The following ANK3 variants were observed in gnomAD, a reference collection of about 807,000 sequenced individuals.
ANK3 encodes the protein ankyrin-3.
In ANK3, 57 loss-of-function variants were observed where a neutral mutation model predicts 370.9. The ratio of observed to expected loss-of-function variants is 0.15; its 90% CI spans 0.12 to 0.19. ANK3 has a LOEUF of 0.19. ANK3 is among the 10% of genes least tolerant of loss of function. ANK3 has a pLI of 1.00. For missense variants in ANK3, 4,439 were observed against 5,302.1 expected (o/e 0.84, Z 5.06); for synonymous variants, 1,929 against 1,946.3 (o/e 0.99, Z 0.23).
chr10:60,561,090 T>C (rs762572135), intron 2 of ANK3, among the ~76,000 whole-genome samples: 5 of 152,172 alleles, frequency 3.3e-5, no homozygotes, highest in Non-Finnish European at 5.9e-5. Flanking sequence ...AATGGGAAAT[T>C]GCACAATGCT....
At chr10:60,405,168 C>A (rs918334995) in intron 2 of ANK3, among the ~76,000 whole-genome samples, 2 of 152,140 alleles carry the variant, frequency 1.3e-5, no homozygotes, top group Non-Finnish European at 2.9e-5. Context: ...AGCAATTCCA[C>A]ATCTAGATGT....
chr10:60,504,952 A>G (rs1417580662), intron 2 of ANK3, among the ~76,000 whole-genome samples: 1 of 152,158 alleles, frequency 6.6e-6, no homozygotes, highest in Non-Finnish European at 1.5e-5. Context: ...TAGGGATTAG[A>G]GCATATGAAG....
At chr10:60,107,231 G>A (rs947933611) in intron 27 of ANK3, among the ~76,000 whole-genome samples, 13 of 152,036 alleles carry the variant, frequency 8.6e-5, no homozygotes, top group African/African-American at 3.1e-4. Flanking sequence ...AAAATCAAGT[G>A]TTCTTAGCAG....
chr10:60,047,169 G>A (rs2077111078), intron 42 of ANK3, among the ~76,000 whole-genome samples: 1 of 152,058 alleles, frequency 6.6e-6, no homozygotes, highest in South Asian at 2.1e-4. Context: ...AATTGTCCCC[G>A]TGGTCTTGTT....
In ANK3 at chr10:60,069,418, A is replaced by G. The variant is rs1158752734; in HGVS notation, c.11463T>C (p.Asp3821=). ...HSAPTCTTEK[D]NPVKVSSGKK... The stretch of plus-strand genomic sequence containing the variant: ...TTCCTGATGAGACTTTCACTGGGTT[A>G]TCTTTCTCTGTGGTACAAGTGGGTG... The change falls in exon 37 of 44, where the codon GAT becomes GAC. Residue 3821 remains aspartate, a synonymous_variant. Transcript: ENST00000280772. 2.5e-6 allele frequency: 4 copies of G among 1,613,842 alleles called. No individual in the cohort carries two copies. Among genetic ancestry groups the G allele is most frequent in the Non-Finnish European group, 3.4e-6 (4 of 1,179,958 alleles).
chr10:60,235,114 A>C (rs929550377), intron 7 of ANK3, among the ~76,000 whole-genome samples: 1 of 152,222 alleles, frequency 6.6e-6, no homozygotes. Context: ...TGAGTGATAC[A>C]TACTGGCTAG....
At chr10:60,593,909 A>G (rs1324646589) in intron 2 of ANK3, among the ~76,000 whole-genome samples, 4 of 152,350 alleles carry the variant, frequency 2.6e-5, no homozygotes, top group African/African-American at 7.2e-5. Context: ...GAAAGCACAT[A>G]CTTACACATT....
rs894977147 is a variant in ANK3, at chr10:60,106,127, G to A, written c.3174-68C>T. 8 of 1,395,992 alleles carry A rather than the reference G, an allele frequency of 5.7e-6. 1 individual carries two copies. The African/African-American group carries it at 1.1e-4, about 18-fold the overall frequency. The allele number at this position is 1,395,992 out of a possible 1,614,324, so 86.5% of individuals were successfully genotyped here. ...ATTTATAGTATCATACTTAAAAAAT[G>A]TTTCGTTAACAGTATTCATTTGAAA... On this transcript the variant is annotated intron_variant, in intron 27 of 43. Coordinates refer to ENST00000280772, the MANE Select transcript of ANK3 (RefSeq NM_020987.5).
chr10:60,442,885 CAT>C (rs1463251956), intron 2 of ANK3, among the ~76,000 whole-genome samples: 1 of 152,170 alleles, frequency 6.6e-6, no homozygotes, highest in Non-Finnish European at 1.5e-5. Flanking sequence ...CCCAAGGTAA[CAT>C]ACTTATAGAG....
chr10:60,355,403 G>C lies in ANK3; in HGVS notation c.114+34022C>G, dbSNP rs1346622245. The stretch of plus-strand genomic sequence containing the variant: ...AGTTTAGCTTTTGTGCCACTGTCTT[G>C]AATAGCCTGTTCCCTCGGGATCCTT... On this transcript the variant is annotated intron_variant, in intron 1 of 43. Coordinates refer to ENST00000280772, the MANE Select transcript of ANK3 (RefSeq NM_020987.5). Among the ~76,000 whole-genome samples, 4 of 152,108 alleles carry C rather than the reference G, an allele frequency of 2.6e-5. No individual in the cohort carries two copies. The East Asian group carries it at 7.7e-4, about 29-fold the overall frequency.
rs191067456 is a variant in ANK3, at chr10:60,240,839, C to T, written c.799-6053G>A. ...ACTTCTGACGTCAAGTGATCGCCCA[C>T]CTTGGCCTCCCAGTGTGCTGGGATT... On this transcript the variant is annotated intron_variant, in intron 7 of 43. Transcript: ENST00000280772. Among the ~76,000 whole-genome samples the T allele has an allele frequency of 2.6e-5, 4 of 152,296 alleles. No homozygotes were observed. In the East Asian group the frequency reaches 7.7e-4, roughly 29 times the overall value.
intron 1 of ANK3, among the ~76,000 whole-genome samples, chr10:60,334,826 A>G (rs2052391751): frequency 6.6e-6 from 1 of 152,174 alleles, no homozygotes; most frequent in Non-Finnish European, 1.5e-5. Context: ...GTTTTTTATT[A>G]TTAAACTGGA....
intron 41 of ANK3, 32 bp from the exon 42 acceptor site, chr10:60,056,068 C>A: frequency 6.4e-7 from 1 of 1,572,766 alleles, no homozygotes; most frequent in Non-Finnish European, 8.6e-7. Flanking sequence ...TTCACAATGG[C>A]AAACTATGAC....
chr10:60,385,431 G>T (rs1209316587), intron 1 of ANK3, among the ~76,000 whole-genome samples: 2 of 151,894 alleles, frequency 1.3e-5, no homozygotes, highest in Non-Finnish European at 2.9e-5. Flanking sequence ...GGTGATTAGT[G>T]GCTCTTATCT....
At chr10:60,671,401 C>T (rs1462860402) in intron 1 of ANK3, among the ~76,000 whole-genome samples, 1 of 152,234 alleles carries the variant, frequency 6.6e-6, no homozygotes, top group African/African-American at 2.4e-5. Flanking sequence ...CATCTGGGCT[C>T]AGCCTAAAGG....
At chr10:60,608,392 A>G (rs1022145403) in intron 2 of ANK3, among the ~76,000 whole-genome samples, 5 of 152,232 alleles carry the variant, frequency 3.3e-5, no homozygotes, top group Non-Finnish European at 7.3e-5. Flanking sequence ...TGGCCTGAGA[A>G]GGAAGCATTT....
chr10:60,620,383 G>A (rs1293704823), intron 1 of ANK3, among the ~76,000 whole-genome samples: 1 of 152,084 alleles, frequency 6.6e-6, no homozygotes, highest in Non-Finnish European at 1.5e-5. Context: ...CTGTTCTAAA[G>A]AGTTTACAAA....
intron 2 of ANK3, among the ~76,000 whole-genome samples, chr10:60,482,082 C>A (rs2075234445): frequency 6.6e-6 from 1 of 152,126 alleles, no homozygotes; most frequent in African/African-American, 2.4e-5. Flanking sequence ...CTCCCACTCC[C>A]CATATTGTTC....
At chr10:60,546,137 G>A (rs376087727) in intron 2 of ANK3, among the ~76,000 whole-genome samples, 2 of 152,276 alleles carry the variant, frequency 1.3e-5, no homozygotes, top group African/African-American at 4.8e-5. Flanking sequence ...CTGGGCTCAA[G>A]CAATCCTCCC....
Sources: allele counts gnomAD v4.1 joint callset (sites outside exome capture counted in the v4.1 genomes callset), GRCh38; gene constraint gnomAD v4.1.1; transcripts MANE v1.5; gene names NCBI Gene and HGNC (gene_info 2026-07-23, HGNC 2026-07-21).